Variants in ASXL3 observed in about 807,000 individuals in gnomAD.
The protein encoded by ASXL3 is ASXL transcriptional regulator 3.
A neutral mutation model predicts 170.6 loss-of-function variants in ASXL3; 34 were observed. The ratio of observed to expected loss-of-function variants is 0.20; its 90% confidence interval spans 0.15 to 0.27. The LOEUF is 0.27. ASXL3 is among the 10% of genes least tolerant of loss of function. The pLI is 1.00. For missense variants in ASXL3, 2,592 were observed against 2,695.3 expected (o/e 0.96, Z 0.85); for synonymous variants, 1,002 against 989.1 (o/e 1.01, Z -0.24).
chr18:33,740,798 G>T (rs1387181412), intron 11 of ASXL3, among the ~76,000 whole-genome samples: 1 of 152,068 alleles, frequency 6.6e-6, no homozygotes, highest in African/African-American at 2.4e-5. Flanking sequence ...TTCTATAAAA[G>T]TTCTTTAGAG....
At chr18:33,676,684 CTT>C (rs1243753865) in intron 7 of ASXL3, among the ~76,000 whole-genome samples, 1 of 152,142 alleles carries the variant, frequency 6.6e-6, no homozygotes, top group African/African-American at 2.4e-5. Context: ...GCAGTAGAAA[CTT>C]TATCTGCTGG....
At chr18:33,679,882 T>A (rs2066486658) in intron 7 of ASXL3, among the ~76,000 whole-genome samples, 2 of 152,080 alleles carry the variant, frequency 1.3e-5, no homozygotes, top group Admixed American at 6.5e-5. Context: ...TTCATTCCTC[T>A]TCACATTTGT....
At chr18:33,668,074 C>A (rs761829130) in intron 5 of ASXL3, among the ~76,000 whole-genome samples, 52 of 152,184 alleles carry the variant, frequency 3.4e-4, no homozygotes, top group Non-Finnish European at 6.9e-4. Context: ...ATTTACCCAG[C>A]AGCTAGTTAG....
chr18:33,748,858 T>G lies in ASXL3; in HGVS notation c.*2263T>G, dbSNP rs942328511. 3 of 152,208 alleles carry G rather than the reference T, an allele frequency of 2.0e-5. No homozygotes were observed. The highest frequency in any genetic ancestry group is 2.9e-5 in the Non-Finnish European group (2 of 68,044). The allele number at this position is 152,208 out of a possible 1,614,324, so 9.4% of individuals were successfully genotyped here. On this transcript the variant is annotated 3_prime_UTR_variant, in exon 12 of 12. Transcript: ENST00000269197. Reference sequence around the variant, plus strand: ...GGAAGAAACTCCAGTCTACAGAACCTTTGCACTCAGTATGTGAGGTACAAT... The same window carrying G: ...GGAAGAAACTCCAGTCTACAGAACCGTTGCACTCAGTATGTGAGGTACAAT...
chr18:33,586,332 C>A (rs1034629619), intron 1 of ASXL3, among the ~76,000 whole-genome samples: 6 of 152,070 alleles, frequency 3.9e-5, no homozygotes, highest in Non-Finnish European at 5.9e-5. Flanking sequence ...CCTCCACCCC[C>A]ACCACCACCC....
intron 8 of ASXL3, among the ~76,000 whole-genome samples, chr18:33,723,211 GA>G (rs1278073225): frequency 3.3e-5 from 5 of 152,102 alleles, no homozygotes; most frequent in Admixed American, 6.6e-5. Flanking sequence ...TATTATTTAA[GA>G]AATGCATTTT....
At chr18:33,731,723 C>G (rs1275455503) in intron 8 of ASXL3, among the ~76,000 whole-genome samples, 1 of 152,136 alleles carries the variant, frequency 6.6e-6, no homozygotes, top group Non-Finnish European at 1.5e-5. Flanking sequence ...TACATCTAAA[C>G]TCCTAGTATT....
At chr18:33,620,947 C>T (rs2065502515) in intron 2 of ASXL3, among the ~76,000 whole-genome samples, 1 of 152,102 alleles carries the variant, frequency 6.6e-6, no homozygotes, top group Non-Finnish European at 1.5e-5. Flanking sequence ...AAGGCCAGGA[C>T]TAGTTTCCAC....
At chr18:33,714,090 A>G (rs2067125840) in intron 8 of ASXL3, among the ~76,000 whole-genome samples, 1 of 152,180 alleles carries the variant, frequency 6.6e-6, no homozygotes, top group Admixed American at 6.5e-5. Flanking sequence ...TTTTGCCCAC[A>G]AAAGGCCAGC....
At chr18:33,603,578 C>A (rs567050036) in intron 1 of ASXL3, among the ~76,000 whole-genome samples, 1 of 152,092 alleles carries the variant, frequency 6.6e-6, no homozygotes, top group Non-Finnish European at 1.5e-5. Context: ...GGTATGTTTG[C>A]TAGCTCTGTA....
At position 33,744,314 on chromosome 18, in the gene ASXL3, TCTCCGTTGA is replaced by T; in HGVS notation, c.4467_4475del (p.Val1491_Ser1493del). 1.2e-6 allele frequency: 2 copies of T among 1,613,986 alleles called. No homozygotes were observed. Among genetic ancestry groups the T allele is most frequent in the Non-Finnish European group, 1.7e-6 (2 of 1,179,882 alleles). On this transcript the variant is annotated inframe_deletion, in exon 12 of 12. Transcript: ENST00000269197. ...CTGACCTCCAGTTTGTCTCTGACTG[TCTCCGTTGA>T]AAGCTCAGAAGCCAGCTTGGACCTG...
At chr18:33,740,486 T>C (rs762562584) in intron 11 of ASXL3, 43 bp downstream of exon 11, 2 of 1,464,902 alleles carry the variant, frequency 1.4e-6, no homozygotes, top group South Asian at 3.1e-5. Flanking sequence ...TAGATAGGCT[T>C]TTCCTATTTA....
chr18:33,643,242 A>G (rs922138330), intron 2 of ASXL3, among the ~76,000 whole-genome samples: 4 of 152,024 alleles, frequency 2.6e-5, no homozygotes, highest in East Asian at 1.9e-4. Flanking sequence ...TATAACATGT[A>G]TTGCATAATT....
chr18:33,630,773 C>A (rs2065665255), intron 2 of ASXL3, among the ~76,000 whole-genome samples: 1 of 152,042 alleles, frequency 6.6e-6, no homozygotes, highest in South Asian at 2.1e-4. Context: ...AACAAGGAAA[C>A]TCTGCTGTTT....
intron 1 of ASXL3, among the ~76,000 whole-genome samples, chr18:33,606,024 T>G (rs2065244269): frequency 1.3e-5 from 2 of 151,976 alleles, no homozygotes; most frequent in Admixed American, 6.6e-5. Context: ...CTACTTACAG[T>G]TCTTATTTTA....
chr18:33,622,189 T>A (rs57067302), intron 2 of ASXL3, among the ~76,000 whole-genome samples: 1,807 of 152,240 alleles, frequency 0.012, 40 homozygotes, highest in African/African-American at 0.041. Context: ...TTTTACTGAT[T>A]AAAAGCAGCT....
chr18:33,683,698 T>C (rs1306971497), intron 8 of ASXL3, 130 bp downstream of exon 8: 1 of 983,608 alleles, frequency 1.0e-6, no homozygotes, highest in Non-Finnish European at 1.4e-6. Context: ...TATTTATTGC[T>C]GTCATTAGCT....
At position 33,739,240 on chromosome 18, in the gene ASXL3, CT is replaced by C; in HGVS notation, c.1840del (p.Ser614LeufsTer63). On this transcript the variant is annotated frameshift_variant, in exon 11 of 12. Transcript: ENST00000269197. LOFTEE classifies it high-confidence loss of function. ...AAAATGCCTGCATCTCTGAAACGTC[CT>C]TTTCTTCTGAGAGCCCAGAGGGAGC... ...SENACISETS[F>X]SSESPEGACT... 1 of 1,613,828 alleles carries C rather than the reference CT, an allele frequency of 6.2e-7. No individual in the cohort carries two copies. The highest frequency in any genetic ancestry group is 8.5e-7 in the Non-Finnish European group (1 of 1,179,838).
chr18:33,747,475 C>G lies in ASXL3; in HGVS notation c.*880C>G, dbSNP rs868320690. The G allele has an allele frequency of 1.7e-4, 26 of 150,798 alleles. No individual in the cohort carries two copies. Among genetic ancestry groups the G allele is most frequent in the African/African-American group, 5.9e-4 (24 of 40,990 alleles). 9.3% of individuals were successfully genotyped at this position (150,798 alleles called of 1,614,324 possible). ...GGAAATAAGATGCTGTATATGCACACATAAATGCATTGATAATGTAAATAT... is the reference window on the plus strand; with the variant it reads ...GGAAATAAGATGCTGTATATGCACAGATAAATGCATTGATAATGTAAATAT... On this transcript the variant is annotated 3_prime_UTR_variant, in exon 12 of 12. Transcript: ENST00000269197.
Sources: gnomAD v4.1 joint callset for allele counts (sites outside exome capture counted in the v4.1 genomes callset) on GRCh38, gnomAD v4.1.1 for gene constraint, MANE v1.5 for transcripts, NCBI Gene and HGNC (gene_info 2026-07-23, HGNC 2026-07-21) for gene names.